CACHD1: variants seen among roughly 807,000 people sequenced by gnomAD.
CACHD1 encodes the protein VWFA and cache domain-containing protein 1.
A neutral mutation model predicts 138.7 loss-of-function variants in CACHD1; 71 were observed. The ratio of observed to expected loss-of-function variants is 0.51; its 90% CI spans 0.42 to 0.62. The LOEUF (loss-of-function observed/expected upper bound fraction) is 0.62. Ranked by LOEUF, CACHD1 falls within the 20% of genes least tolerant of loss-of-function variation. CACHD1 has a pLI of 0.00. For missense variants in CACHD1, 1,389 were observed against 1,625.3 expected, an observed-to-expected ratio of 0.85 and a Z score of 2.50; for synonymous variants, 578 against 591.5, an observed-to-expected ratio of 0.98 and a Z score of 0.33.
chr1:64,501,078 A>G, intron 1 of CACHD1, among the ~76,000 whole-genome samples: 1 of 151,904 alleles, frequency 6.6e-6, no homozygotes, highest in Non-Finnish European at 1.5e-5. Flanking sequence ...ACAGAGAGAA[A>G]ATTAACCTAT....
intron 1 of CACHD1, among the ~76,000 whole-genome samples, chr1:64,472,559 C>A (rs1646152058): frequency 6.6e-6 from 1 of 152,144 alleles, no homozygotes; most frequent in Non-Finnish European, 1.5e-5. Flanking sequence ...TTCAACTATG[C>A]CGATCTTTCA....
Position 64,582,198 on chromosome 1 carries a change from G to T in CACHD1, c.304G>T (p.Val102Leu). ...AGAGAAGTTCAACCGTTACTTGGAT[G>T]TGGTCAATCGGAACAAGCAAGTTGT... ...IREKFNRYLD[V>L]VNRNKQVVEA... is the part of the protein sequence containing the mutation. Residue 102 changes from valine (V) to leucine (L), a missense_variant, in exon 3 of 27, where the codon GTG becomes TTG. This residue lies in a region of CACHD1 where 1,000 missense variants were observed against 1,114.7 expected (regional missense o/e 0.90). Transcript: ENST00000651257. 1 of 1,614,024 alleles carries T rather than the reference G, an allele frequency of 6.2e-7. No homozygotes were observed. Among genetic ancestry groups the T allele is most frequent in the Non-Finnish European group, 8.5e-7 (1 of 1,179,898 alleles).
chr1:64,680,926 A>AC (rs1281177934), intron 24 of CACHD1, among the ~76,000 whole-genome samples: 1 of 152,162 alleles, frequency 6.6e-6, no homozygotes, highest in East Asian at 1.9e-4. Flanking sequence ...GCACCATTTC[A>AC]CCAACACAGT....
At chr1:64,526,672 A>G (rs1056068576) in intron 1 of CACHD1, among the ~76,000 whole-genome samples, 1 of 152,254 alleles carries the variant, frequency 6.6e-6, no homozygotes. Context: ...CTAACGCAGA[A>G]AACTCTGCAG....
chr1:64,678,017 A>C (rs1374011808), intron 22 of CACHD1, 142 bp from the exon 23 acceptor site: 1 of 771,688 alleles, frequency 1.3e-6, no homozygotes, highest in Non-Finnish European at 2.0e-6. Flanking sequence ...TTCTCATTTT[A>C]TAAGGAAAGG....
At chr1:64,497,174 AAAATG>A (rs1299634646) in intron 1 of CACHD1, among the ~76,000 whole-genome samples, 1 of 152,234 alleles carries the variant, frequency 6.6e-6, no homozygotes, top group Non-Finnish European at 1.5e-5. Flanking sequence ...CTCCAACACT[AAAATG>A]AAGGCAGAGC....
intron 12 of CACHD1, among the ~76,000 whole-genome samples, chr1:64,657,301 T>C (rs1276575214): frequency 6.6e-6 from 1 of 152,176 alleles, no homozygotes; most frequent in East Asian, 1.9e-4. Flanking sequence ...GCTAAGAACA[T>C]GACAGAAAGA....
At chr1:64,569,571 G>A (rs560946389) in intron 2 of CACHD1, among the ~76,000 whole-genome samples, 8 of 152,236 alleles carry the variant, frequency 5.3e-5, no homozygotes, top group East Asian at 1.9e-4. Flanking sequence ...GAGCAGCGGG[G>A]GCCTTGCGGC....
chr1:64,657,564 GA>G (rs1051432265), intron 12 of CACHD1, among the ~76,000 whole-genome samples: 6 of 152,122 alleles, frequency 3.9e-5, no homozygotes, highest in African/African-American at 1.4e-4. Flanking sequence ...ATAATTTGGG[GA>G]ATGGAGGAAA....
chr1:64,540,497 G>A (rs555859052), intron 1 of CACHD1, among the ~76,000 whole-genome samples: 11 of 152,196 alleles, frequency 7.2e-5, no homozygotes, highest in African/African-American at 2.4e-4. Context: ...TCCAACATGT[G>A]GAACTAATTT....
At chr1:64,597,935 A>G (rs1647170476) in intron 3 of CACHD1, among the ~76,000 whole-genome samples, 1 of 152,150 alleles carries the variant, frequency 6.6e-6, no homozygotes, top group Non-Finnish European at 1.5e-5. Flanking sequence ...TATATTTCTC[A>G]CATTCTCCAA....
In CACHD1 at chr1:64,675,580, A is replaced by T; in HGVS notation, c.2888+19A>T. The T allele has an allele frequency of 6.3e-7, 1 of 1,598,640 alleles. No individual in the cohort carries two copies. Among genetic ancestry groups the T allele is most frequent in the East Asian group, 2.2e-5 (1 of 44,498 alleles). ...GTCACCGGTAAAAATGCAATGGGTC[A>T]TATTCTGTGTTCACCACACTGTTTA... On this transcript the variant is annotated intron_variant, in intron 20 of 26. Transcript: ENST00000651257.
rs539778841 is a variant in CACHD1, at chr1:64,568,727, G to GTA, written c.262-13427_262-13426dup. Among the ~76,000 whole-genome samples the GTA allele has an allele frequency of 1.4e-3, 207 of 152,210 alleles. 2 individuals carry two copies. The highest frequency in any genetic ancestry group is 4.9e-3 in the African/African-American group (202 of 41,524). Reference sequence around the variant, plus strand: ...GGGTATGTATAGTACATTAGTCAATGTATGTGCCTGGTGTTGAGGTAAGCT... The same window carrying GTA: ...GGGTATGTATAGTACATTAGTCAATGTATATGTGCCTGGTGTTGAGGTAAGCT... On this transcript the variant is annotated intron_variant, in intron 2 of 26. Transcript: ENST00000651257.
At chr1:64,664,902 A>G (rs981379192) in intron 15 of CACHD1, among the ~76,000 whole-genome samples, 11 of 152,174 alleles carry the variant, frequency 7.2e-5, no homozygotes. Flanking sequence ...TGAGCCTGAA[A>G]TTCTTTATGC....
Position 64,684,794 on chromosome 1 carries a change from CTTTTTTG to C in CACHD1, c.3586+2714_3586+2720del, listed in dbSNP as rs567310511. On this transcript the variant is annotated intron_variant, in intron 26 of 26. Transcript: ENST00000651257. Reference sequence around the variant, plus strand: ...TGGTAAGTGCTCTATATAGGTGTACCTTTTTTGTTTTTTGTTTTTTGTTTTTTGTTTT... The same window carrying C: ...TGGTAAGTGCTCTATATAGGTGTACCTTTTTTGTTTTTTGTTTTTTGTTTT... Among the ~76,000 whole-genome samples, 210 of 152,074 alleles carry C rather than the reference CTTTTTTG, an allele frequency of 1.4e-3. 1 individual carries two copies. Among genetic ancestry groups the C allele is most frequent in the Admixed American group, 4.8e-3 (73 of 15,266 alleles).
At chr1:64,609,121 G>A (rs1050039730) in intron 4 of CACHD1, among the ~76,000 whole-genome samples, 4 of 152,130 alleles carry the variant, frequency 2.6e-5, no homozygotes, top group African/African-American at 4.8e-5. Flanking sequence ...GATTGTTGTG[G>A]CTTCATCATT....
At chr1:64,677,105 C>CT in intron 22 of CACHD1, 94 bp downstream of exon 22, 1 of 975,664 alleles carries the variant, frequency 1.0e-6, no homozygotes, top group Non-Finnish European at 1.6e-6. Flanking sequence ...TTTTTCAGAT[C>CT]TGAAACTGAT....
intron 3 of CACHD1, among the ~76,000 whole-genome samples, chr1:64,588,272 G>T (rs772534174): frequency 2.6e-5 from 4 of 152,066 alleles, no homozygotes; most frequent in Non-Finnish European, 5.9e-5. Context: ...AAGTTTTAAA[G>T]AATATAACTC....
Position 64,679,684 on chromosome 1 carries a change from C to T in CACHD1, c.3334C>T (p.Leu1112=). The T allele has an allele frequency of 6.2e-7, 1 of 1,614,190 alleles. No homozygotes were observed. The highest frequency in any genetic ancestry group is 8.5e-7 in the Non-Finnish European group (1 of 1,180,020). Residue 1112 remains leucine (L), a synonymous_variant, in exon 24 of 27, where the codon CTG becomes TTG. Transcript: ENST00000651257. Reference sequence around the variant, plus strand: ...CATGGGATGCATCATGGTCTTGGTCCTGGCGGTGTATGCCTACCGCCACCA... The same window carrying T: ...CATGGGATGCATCATGGTCTTGGTCTTGGCGGTGTATGCCTACCGCCACCA... ...GIMGCIMVLV[L]AVYAYRHQIH... is the part of the protein sequence containing the mutation.
Sources: allele counts gnomAD v4.1 joint callset (sites outside exome capture counted in the v4.1 genomes callset), GRCh38; gene constraint gnomAD v4.1.1; regional missense constraint gnomAD v4.1.1; transcripts MANE v1.5; gene names NCBI Gene and HGNC (gene_info 2026-07-23, HGNC 2026-07-21).